Variants in KCNT2 observed in about 807,000 individuals in gnomAD.
KCNT2 encodes potassium sodium-activated channel subfamily T member 2, also known as potassium channel subfamily T member 2.
Under a neutral mutation model 153.8 loss-of-function variants are expected in KCNT2, and 67 were observed. That is an observed-to-expected ratio of 0.44 (90% CI 0.36 to 0.53). The LOEUF (loss-of-function observed/expected upper bound fraction) is 0.53, where lower values mean the gene tolerates loss of function less well. KCNT2 is among the 20% of genes least tolerant of loss of function. The probability of loss-of-function intolerance (pLI) is 0.00; values close to 1 mark genes in which losing one functional copy is unlikely to be tolerated. For synonymous variants in KCNT2, 500 were observed against 458.8 expected (o/e 1.09, Z -1.15); for missense variants, 975 against 1,354.8 (o/e 0.72, Z 4.40).
chr1:196,289,830 A>G (rs538720311), intron 22 of KCNT2, among the ~76,000 whole-genome samples: 2 of 152,184 alleles, frequency 1.3e-5, no homozygotes, highest in Middle Eastern at 3.4e-3. Context: ...AGTTTTACTG[A>G]TGATATTTTT....
intron 14 of KCNT2, among the ~76,000 whole-genome samples, chr1:196,371,948 A>G (rs1234406882): frequency 6.6e-6 from 1 of 152,100 alleles, no homozygotes; most frequent in African/African-American, 2.4e-5. Context: ...CGGAAAAATA[A>G]TGAAGACACT....
chr1:196,361,724 T>G (rs769890062), intron 14 of KCNT2, among the ~76,000 whole-genome samples: 41 of 151,978 alleles, frequency 2.7e-4, no homozygotes, highest in Non-Finnish European at 3.2e-4. Flanking sequence ...GGAAAAGAAG[T>G]CTGTTAATAC....
chr1:196,254,105 A>G (rs1388452859), intron 26 of KCNT2, among the ~76,000 whole-genome samples: 5 of 151,492 alleles, frequency 3.3e-5, no homozygotes, highest in African/African-American at 9.7e-5. Flanking sequence ...ATTTTCATTT[A>G]CTACCTATCA....
Position 196,284,268 on chromosome 1 carries a change from T to A in KCNT2, c.2697+1389A>T, listed in dbSNP as rs1384907519. Among the ~76,000 whole-genome samples, 20 of 72,428 alleles carry A rather than the reference T, an allele frequency of 2.8e-4. 2 individuals are homozygous for A. Among genetic ancestry groups the A allele is most frequent in the Middle Eastern group, 8.9e-3 (1 of 112 alleles). The allele number at this position is 72,428 out of a possible 152,430, so 47.5% of individuals were successfully genotyped here. A position where few individuals can be genotyped will look rare whatever the true frequency, so the allele number is the denominator to read the frequency against. On this transcript the variant is annotated intron_variant, in intron 23 of 27. Coordinates refer to ENST00000294725, the MANE Select transcript of KCNT2 (RefSeq NM_198503.5). ...AAAAAAATATATATATATATATATATATATATATATAGTTCTAGTTCACTC... is the reference window on the plus strand; with the variant it reads ...AAAAAAATATATATATATATATATAAATATATATATAGTTCTAGTTCACTC...
At chr1:196,308,484 C>T (rs1661849147) in intron 21 of KCNT2, among the ~76,000 whole-genome samples, 1 of 151,978 alleles carries the variant, frequency 6.6e-6, no homozygotes, top group Non-Finnish European at 1.5e-5. Flanking sequence ...CCCACTTTTG[C>T]CTACACCAAA....
intron 1 of KCNT2, among the ~76,000 whole-genome samples, chr1:196,538,588 G>C (rs539719786): frequency 6.6e-6 from 1 of 152,246 alleles, no homozygotes; most frequent in Admixed American, 6.5e-5. Flanking sequence ...ATGAGCTCAG[G>C]TGGGTGATCA....
chr1:196,537,982 C>A (rs1655829245), intron 1 of KCNT2, among the ~76,000 whole-genome samples: 1 of 152,168 alleles, frequency 6.6e-6, no homozygotes, highest in Non-Finnish European at 1.5e-5. Context: ...ACCTGAAGGT[C>A]CCCATTCATG....
At chr1:196,545,995 C>T (rs1220987204) in intron 1 of KCNT2, among the ~76,000 whole-genome samples, 4 of 151,948 alleles carry the variant, frequency 2.6e-5, no homozygotes, top group Non-Finnish European at 2.9e-5. Context: ...ACGTACAAGC[C>T]TTCTGTGAAT....
At chr1:196,270,292 T>C (rs1262852088) in intron 25 of KCNT2, among the ~76,000 whole-genome samples, 1 of 152,040 alleles carries the variant, frequency 6.6e-6, no homozygotes, top group Non-Finnish European at 1.5e-5. Flanking sequence ...CTGATTTCAT[T>C]ATAATTAATT....
intron 21 of KCNT2, among the ~76,000 whole-genome samples, chr1:196,306,773 G>A (rs1369191151): frequency 3.3e-5 from 5 of 150,434 alleles, no homozygotes; most frequent in Non-Finnish European, 7.4e-5. Context: ...AACCTAACAC[G>A]CCCTCTTGGC....
At position 196,425,832 on chromosome 1, in the gene KCNT2, T is replaced by C. The variant is rs1365942855; in HGVS notation, c.1121+20A>G. 1 of 1,608,862 alleles carries C rather than the reference T, an allele frequency of 6.2e-7. No individual in the cohort carries two copies. Among genetic ancestry groups the C allele is most frequent in the Non-Finnish European group, 8.5e-7 (1 of 1,177,528 alleles). On this transcript the variant is annotated intron_variant, in intron 11 of 27. Coordinates refer to ENST00000294725, the MANE Select transcript of KCNT2 (RefSeq NM_198503.5). ...TCACTCAAAACTGTAAGCTGCAAGA[T>C]GAAAGGCAGGGATACCTACTTTGCT...
At chr1:196,262,365 T>C (rs982348216) in intron 25 of KCNT2, among the ~76,000 whole-genome samples, 1 of 151,982 alleles carries the variant, frequency 6.6e-6, no homozygotes, top group East Asian at 1.9e-4. Flanking sequence ...ATGACTCCCT[T>C]AAGGATAGTT....
chr1:196,478,409 C>G (rs1211507081), intron 5 of KCNT2, among the ~76,000 whole-genome samples: 1 of 152,148 alleles, frequency 6.6e-6, no homozygotes, highest in East Asian at 1.9e-4. Context: ...AAAATATATG[C>G]TGCTATACAA....
At chr1:196,485,808 AT>A (rs1679374513) in intron 3 of KCNT2, among the ~76,000 whole-genome samples, 1 of 151,950 alleles carries the variant, frequency 6.6e-6, no homozygotes. Context: ...TGAATTTATC[AT>A]AAAAAAAAAG....
At chr1:196,549,535 A>C (rs1657610657) in intron 1 of KCNT2, among the ~76,000 whole-genome samples, 1 of 151,852 alleles carries the variant, frequency 6.6e-6, no homozygotes. Flanking sequence ...CTTGTGACTT[A>C]AGTTAAATCC....
chr1:196,255,545 A>G (rs555286316), intron 26 of KCNT2, among the ~76,000 whole-genome samples: 1 of 151,964 alleles, frequency 6.6e-6, no homozygotes, highest in African/African-American at 2.4e-5. Context: ...GATTTAGAAA[A>G]TATTACTGAG....
chr1:196,398,583 T>G lies in KCNT2; in HGVS notation c.1274A>C (p.Lys425Thr). The change falls in exon 13 of 28, where the codon AAA (lysine) becomes ACA (threonine). Residue 425 changes from lysine to threonine, a missense_variant. By Grantham distance (78) the Lys-to-Thr change is moderately conservative (BLOSUM62 -1). Coordinates refer to ENST00000294725, the MANE Select transcript of KCNT2 (RefSeq NM_198503.5). ...LYVQILKPEN[K>T]FHIKFADHVV... ...CTTACCAGCAAATTTGATGTGAAAT[T>G]TATTTTCAGGCTTTAATATCTGGAC... The G allele has an allele frequency of 1.9e-6, 3 of 1,598,194 alleles. No individual in the cohort carries two copies. Among genetic ancestry groups the G allele is most frequent in the South Asian group, 2.2e-5 (2 of 90,156 alleles).
intron 12 of KCNT2, among the ~76,000 whole-genome samples, chr1:196,415,602 C>T (rs914698717): frequency 6.6e-6 from 1 of 151,778 alleles, no homozygotes; most frequent in Non-Finnish European, 1.5e-5. Context: ...TAGGAATAGT[C>T]TGCTTTCTAT....
intron 8 of KCNT2, among the ~76,000 whole-genome samples, chr1:196,430,576 T>G (rs1674065875): frequency 6.6e-6 from 1 of 152,076 alleles, no homozygotes; most frequent in Admixed American, 6.6e-5. Context: ...ACGCTTCCAT[T>G]TATTATAAAT....
Sources: allele counts gnomAD v4.1 joint callset (sites outside exome capture counted in the v4.1 genomes callset), GRCh38; gene constraint gnomAD v4.1.1; transcripts MANE v1.5; gene names NCBI Gene and HGNC (gene_info 2026-07-23, HGNC 2026-07-21).